ATP1A3: variants seen among roughly 807,000 people sequenced by gnomAD.
The protein encoded by ATP1A3 is sodium/potassium-transporting ATPase subunit alpha-3.
A neutral mutation model predicts 108.8 loss-of-function variants in ATP1A3; 12 were observed. That is an observed-to-expected ratio of 0.11 (90% CI 0.07 to 0.18). ATP1A3 has a LOEUF of 0.18. ATP1A3 is among the 10% of genes least tolerant of loss of function. The pLI is 1.00. For synonymous variants in ATP1A3, 539 were observed against 564.5 expected, an observed-to-expected ratio of 0.95 and a Z score of 0.64; for missense variants, 498 against 1,387.7, an observed-to-expected ratio of 0.36 and a Z score of 10.19.
At chr19:41,976,216 TC>T (rs2075167484) in intron 15 of ATP1A3, among the ~76,000 whole-genome samples, 199 bp downstream of exon 15, 1 of 42,012 alleles carries the variant, frequency 2.4e-5, no homozygotes, top group African/African-American at 9.7e-5. Flanking sequence ...CCAGGCCCCC[TC>T]CCTCAGACCC....
At chr19:41,969,040 T>A in intron 19 of ATP1A3, 125 bp from the exon 20 acceptor site, 1 of 1,427,448 alleles carries the variant, frequency 7.0e-7, no homozygotes. Flanking sequence ...GCCTCAGGTG[T>A]GTCTTCCTTC....
At chr19:41,979,323 T>C (rs1471599492) in intron 11 of ATP1A3, among the ~76,000 whole-genome samples, 1 of 151,004 alleles carries the variant, frequency 6.6e-6, no homozygotes, top group East Asian at 1.9e-4. Context: ...CCACCCTGTT[T>C]TTTTTTTTTA....
intron 8 of ATP1A3, chr19:41,984,468 G>A (rs1002609067): frequency 1.7e-5 from 3 of 175,526 alleles, no homozygotes; most frequent in Non-Finnish European, 3.7e-5. Context: ...CAGCTGATCT[G>A]CCCGCCTTGG....
chr19:41,970,815 T>G (rs182381503), intron 16 of ATP1A3, among the ~76,000 whole-genome samples: 39 of 150,378 alleles, frequency 2.6e-4, no homozygotes, highest in African/African-American at 4.4e-4. Flanking sequence ...TGTATTTTTA[T>G]TAGAGACGGG....
Position 41,969,599 on chromosome 19 carries a change from A to T in ATP1A3, c.2543-19T>A. The T allele has an allele frequency of 6.2e-7, 1 of 1,612,896 alleles. No homozygotes were observed. On this transcript the variant is annotated intron_variant, in intron 18 of 22. Coordinates refer to ENST00000648268, the MANE Select transcript of ATP1A3 (RefSeq NM_152296.5). ...ATCATTCCTGGAAGGAGGAGAGAGG[A>T]AGCCGAGGAGAGGCTCAGATTGGGG...
chr19:41,983,957 T>G (rs2075261548), intron 8 of ATP1A3, among the ~76,000 whole-genome samples: 1 of 151,256 alleles, frequency 6.6e-6, no homozygotes, highest in Non-Finnish European at 1.5e-5. Context: ...ATACTTTTAG[T>G]AGAGATGGGG....
Position 41,968,638 on chromosome 19 carries a change from T to C in ATP1A3, c.2819+147A>G. The C allele has an allele frequency of 7.5e-7, 1 of 1,338,458 alleles. No individual in the cohort carries two copies. Among genetic ancestry groups the C allele is most frequent in the South Asian group, 1.3e-5 (1 of 78,216 alleles). 82.9% of individuals were successfully genotyped at this position (1,338,458 alleles called of 1,614,324 possible). A position where few individuals can be genotyped will look rare whatever the true frequency, so the allele number is the denominator to read the frequency against. The stretch of plus-strand genomic sequence containing the variant: ...CTGCAGTGAGCTATGATTACACCAC[T>C]GAACTCCAGTCTGGGTGACAGAGTG... On this transcript the variant is annotated intron_variant, in intron 20 of 22. Transcript: ENST00000648268. The surrounding 1 kb of genome is among the most constrained non-coding windows in gnomAD (Gnocchi z 5.0).
At chr19:41,991,580 G>A (rs2145990353) in intron 1 of ATP1A3, among the ~76,000 whole-genome samples, 1 of 152,278 alleles carries the variant, frequency 6.6e-6, no homozygotes, top group African/African-American at 2.4e-5. Flanking sequence ...TGTGCAGGAG[G>A]CCAGGAGAGG....
chr19:41,994,004 C>T (rs1555868197), intron 1 of ATP1A3, 67 bp downstream of exon 1: 2 of 1,600,762 alleles, frequency 1.2e-6, no homozygotes, highest in Admixed American at 1.7e-5. Context: ...CCGCCCCCCG[C>T]GCACACCCAA....
At position 41,967,650 on chromosome 19, in the gene ATP1A3, C is replaced by G. The variant is rs782422563; in HGVS notation, c.2921+12G>C. ...CTGGTGTGGGCAGGGCTGGGGGCAG[C>G]GGGGCACTCACTTGAGAGGGTACAT... is the stretch of plus-strand genomic sequence containing the variant. On this transcript the variant is annotated intron_variant, in intron 21 of 22. Transcript: ENST00000648268. This position sits in a 1 kb window ranked among gnomAD's most constrained non-coding sequence, Gnocchi z 4.2. 1 of 1,612,730 alleles carries G rather than the reference C, an allele frequency of 6.2e-7. No homozygotes were observed. Among genetic ancestry groups the G allele is most frequent in the South Asian group, 1.1e-5 (1 of 90,974 alleles).
At position 41,970,453 on chromosome 19, in the gene ATP1A3, T is replaced by G; in HGVS notation, c.2353A>C (p.Met785Leu). 1 of 1,613,994 alleles carries G rather than the reference T, an allele frequency of 6.2e-7. No individual in the cohort carries two copies. The highest frequency in any genetic ancestry group is 8.5e-7 in the Non-Finnish European group (1 of 1,179,994). ...CCCAGGGGCAGCGGGATGTTGGCCA[T>G]GATGAACAGCAGGAAGGGCGTGATC... Reference protein sequence around the residue: ...PEITPFLLFIMANIPLPLGTI... With the variant: ...PEITPFLLFILANIPLPLGTI... The change falls in exon 17 of 23, where the codon ATG (methionine) becomes CTG (leucine). Residue 785 changes from methionine (M) to leucine (L), a missense_variant. Physicochemically the swap from Met to Leu is conservative, Grantham distance 15. This residue lies in a region of ATP1A3 where 121 missense variants were observed against 425.1 expected (regional missense o/e 0.28). Coordinates refer to ENST00000648268, the MANE Select transcript of ATP1A3 (RefSeq NM_152296.5).
intron 18 of ATP1A3, 112 bp downstream of exon 18, chr19:41,970,073 C>T: frequency 1.3e-6 from 2 of 1,577,406 alleles, no homozygotes; most frequent in Non-Finnish European, 1.7e-6. Flanking sequence ...GTTGGTCCTG[C>T]CCACGTCTGC....
At chr19:41,977,795 G>A in intron 14 of ATP1A3, 141 bp downstream of exon 14, 1 of 1,287,080 alleles carries the variant, frequency 7.8e-7, no homozygotes, top group Non-Finnish European at 1.1e-6. Context: ...CCGGAGGGAG[G>A]GCCAGACCCA....
rs1485935301 is a variant in ATP1A3 at position 41,986,378 on chromosome 19, G to T, written c.358-149C>A. 1.0e-5 allele frequency: 7 copies of T among 671,652 alleles called. No homozygotes were observed. In the Admixed American group the frequency reaches 1.4e-4, roughly 14 times the overall value. 41.6% of individuals were successfully genotyped at this position (671,652 alleles called of 1,614,324 possible). A position where few individuals can be genotyped will look rare whatever the true frequency, so the allele number is the denominator to read the frequency against. Reference sequence around the variant, plus strand: ...CTAGGTTGGTTATGAGGGTTGGTGTGTCTGAGTCTCCCCTGTTTGTGCTTG... The same window carrying T: ...CTAGGTTGGTTATGAGGGTTGGTGTTTCTGAGTCTCCCCTGTTTGTGCTTG... On this transcript the variant is annotated intron_variant, in intron 4 of 22. Transcript: ENST00000648268.
At chr19:41,973,089 G>A (rs1281666454) in intron 16 of ATP1A3, among the ~76,000 whole-genome samples, 2 of 152,210 alleles carry the variant, frequency 1.3e-5, no homozygotes, top group African/African-American at 2.4e-5. Context: ...GGATGAAATG[G>A]TGACAAATGT....
chr19:41,968,704 A>G lies in ATP1A3; in HGVS notation c.2819+81T>C, dbSNP rs1555859124. ...AAAACAACAAAAAACCAAAGCAAGG[A>G]CACAAGAGGAAGTACACAGACAGAC... is the stretch of plus-strand genomic sequence containing the variant. On this transcript the variant is annotated intron_variant, in intron 20 of 22. Transcript: ENST00000648268. The surrounding 1 kb of genome is among the most constrained non-coding windows in gnomAD (Gnocchi z 5.0). 1.2e-6 allele frequency: 2 copies of G among 1,600,100 alleles called. No homozygotes were observed. Among genetic ancestry groups the G allele is most frequent in the Admixed American group, 3.4e-5 (2 of 59,464 alleles).
At chr19:41,971,798 T>G (rs1392532983) in intron 16 of ATP1A3, among the ~76,000 whole-genome samples, 3 of 152,118 alleles carry the variant, frequency 2.0e-5, no homozygotes, top group Non-Finnish European at 2.9e-5. Flanking sequence ...CTATCTTGAC[T>G]GGGGTCTGGT....
At chr19:41,970,776 C>T (rs1423418937) in intron 16 of ATP1A3, among the ~76,000 whole-genome samples, 3 of 151,682 alleles carry the variant, frequency 2.0e-5, no homozygotes, top group South Asian at 2.1e-4. Context: ...GCACTACAGG[C>T]ACCTGCCACC....
intron 19 of ATP1A3, among the ~76,000 whole-genome samples, chr19:41,969,155 C>G (rs1244709902): frequency 1.3e-5 from 2 of 152,072 alleles, no homozygotes; most frequent in African/African-American, 4.8e-5. Context: ...GGATAAGGAC[C>G]CTGTGGGCCT....
Sources: allele counts gnomAD v4.1 joint callset (sites outside exome capture counted in the v4.1 genomes callset), GRCh38; gene constraint gnomAD v4.1.1; regional missense constraint gnomAD v4.1.1; non-coding constraint Gnocchi (gnomAD v3.1); transcripts MANE v1.5; gene names NCBI Gene and HGNC (gene_info 2026-07-23, HGNC 2026-07-21).